The following VAC14 variants were observed in gnomAD, a reference collection of about 807,000 sequenced individuals.
VAC14 encodes the protein protein VAC14 homolog.
A neutral mutation model predicts 85.3 loss-of-function variants in VAC14; 47 were observed. The ratio of observed to expected loss-of-function variants is 0.55; its 90% CI spans 0.44 to 0.70. The LOEUF is 0.70. VAC14 is among the 30% of genes least tolerant of loss of function. The pLI, the probability that VAC14 is intolerant of heterozygous loss-of-function variation, is 0.00. For synonymous variants in VAC14, 447 were observed against 430.5 expected (o/e 1.04, Z -0.47); for missense variants, 861 against 1,004.3 (o/e 0.86, Z 1.93).
At chr16:70,797,012 C>T (rs941488873) in intron 1 of VAC14, among the ~76,000 whole-genome samples, 3 of 152,112 alleles carry the variant, frequency 2.0e-5, no homozygotes, top group African/African-American at 4.8e-5. Flanking sequence ...AGGATTGTTT[C>T]AGCCTAGGAG....
intron 1 of VAC14, among the ~76,000 whole-genome samples, chr16:70,791,698 T>C (rs959830322): frequency 2.0e-5 from 3 of 152,218 alleles, no homozygotes; most frequent in Non-Finnish European, 4.4e-5. Flanking sequence ...CCACAACTTC[T>C]TGATAAAGTC....
At chr16:70,717,737 C>T (rs1301170083) in intron 14 of VAC14, among the ~76,000 whole-genome samples, 1 of 152,172 alleles carries the variant, frequency 6.6e-6, no homozygotes, top group Non-Finnish European at 1.5e-5. Flanking sequence ...CTCACTGCAA[C>T]CTCTGCTTAA....
intron 13 of VAC14, among the ~76,000 whole-genome samples, chr16:70,738,528 T>C (rs2029932924): frequency 6.7e-6 from 1 of 150,218 alleles, no homozygotes. Flanking sequence ...TGCTGCAGGG[T>C]GAGGGCTGGG....
intron 9 of VAC14, among the ~76,000 whole-genome samples, chr16:70,778,214 AC>A (rs1455894558): frequency 6.6e-6 from 1 of 152,226 alleles, no homozygotes; most frequent in Non-Finnish European, 1.5e-5. Context: ...GATAGGCTGC[AC>A]TGGCCGGGAA....
intron 14 of VAC14, among the ~76,000 whole-genome samples, chr16:70,719,392 A>G (rs1449705054): frequency 6.6e-6 from 1 of 152,202 alleles, no homozygotes; most frequent in Non-Finnish European, 1.5e-5. Context: ...CTAGATTAAA[A>G]ATAAAGTATG....
In VAC14 at chr16:70,762,590, C is replaced by T. The variant is rs1370579571; in HGVS notation, c.1321G>A (p.Asp441Asn). ...KTPRKMFRHT[D>N]SLFPILLQTL... ...TGCAGTAGGATGGGAAAGAGGCTGT[C>T]CGTGTGCCGGAACATCTGGAGGGCA... Residue 441 changes from aspartate to asparagine, a missense_variant, in exon 12 of 19, where the codon GAC (aspartate) becomes AAC (asparagine). By Grantham distance (23) the Asp-to-Asn change is conservative. Coordinates refer to ENST00000261776, the MANE Select transcript of VAC14 (RefSeq NM_018052.5). The surrounding 1 kb of genome is among the most constrained non-coding windows in gnomAD (Gnocchi z 4.1). 1 of 1,613,974 alleles carries T rather than the reference C, an allele frequency of 6.2e-7. No individual in the cohort carries two copies. Among genetic ancestry groups the T allele is most frequent in the East Asian group, 2.2e-5 (1 of 44,888 alleles).
intron 18 of VAC14, chr16:70,691,643 A>C (rs548367488): frequency 2.0e-6 from 2 of 985,454 alleles, no homozygotes; most frequent in East Asian, 2.3e-4. Flanking sequence ...TAGTCCTGCC[A>C]CTGCAGGGCA....
chr16:70,751,021 C>T (rs1436446954), intron 12 of VAC14, among the ~76,000 whole-genome samples: 3 of 152,158 alleles, frequency 2.0e-5, no homozygotes, highest in Non-Finnish European at 4.4e-5. Flanking sequence ...TGAATAAATA[C>T]TTGCTGACCT....
At chr16:70,721,563 G>A (rs1034788085) in intron 14 of VAC14, among the ~76,000 whole-genome samples, 7 of 152,112 alleles carry the variant, frequency 4.6e-5, no homozygotes, top group African/African-American at 7.2e-5. Context: ...GTAGGATGGC[G>A]ACCCCATGGG....
Position 70,762,454 on chromosome 16 carries a change from G to A in VAC14, c.1371+86C>T, listed in dbSNP as rs1425552911. 3 of 1,349,170 alleles carry A rather than the reference G, an allele frequency of 2.2e-6. No homozygotes were observed. In the African/African-American group the frequency reaches 4.3e-5, roughly 19 times the overall value. The allele number at this position is 1,349,170 out of a possible 1,614,324, so 83.6% of individuals were successfully genotyped here. ...GCTTTACCTCTAGGAAGGATGCACT[G>A]TACCAAAATAAGCATATCTCAGTCA... is the stretch of plus-strand genomic sequence containing the variant. On this transcript the variant is annotated intron_variant, in intron 12 of 18. Coordinates refer to ENST00000261776, the MANE Select transcript of VAC14 (RefSeq NM_018052.5). This position sits in a 1 kb window ranked among gnomAD's most constrained non-coding sequence, Gnocchi z 4.1.
chr16:70,719,535 A>T (rs2054238921), intron 14 of VAC14, among the ~76,000 whole-genome samples: 1 of 152,202 alleles, frequency 6.6e-6, no homozygotes, highest in African/African-American at 2.4e-5. Context: ...TCAATAAGAA[A>T]AACACCAAAA....
At chr16:70,763,665 T>G (rs1261260808) in intron 10 of VAC14, among the ~76,000 whole-genome samples, 2 of 152,188 alleles carry the variant, frequency 1.3e-5, no homozygotes, top group East Asian at 1.9e-4. Flanking sequence ...AATGCGCTCC[T>G]TTGAGTTGGG....
At chr16:70,774,490 T>G (rs2033413195) in intron 9 of VAC14, among the ~76,000 whole-genome samples, 1 of 152,194 alleles carries the variant, frequency 6.6e-6, no homozygotes, top group African/African-American at 2.4e-5. Flanking sequence ...TTCTCCCCTG[T>G]AAGGTTACTG....
At chr16:70,692,134 C>T (rs1267999870) in intron 18 of VAC14, 1 of 975,478 alleles carries the variant, frequency 1.0e-6, no homozygotes, top group African/African-American at 1.8e-5. Context: ...TAGATGCAGC[C>T]CTACAGGCTC....
Position 70,756,602 on chromosome 16 carries a change from G to A in VAC14, c.1371+5938C>T, listed in dbSNP as rs578172268. 1.4e-4 allele frequency among the ~76,000 whole-genome samples: 21 copies of A among 152,244 alleles called. 1 individual carries two copies. Among genetic ancestry groups the A allele is most frequent in the Middle Eastern group, 3.4e-3 (1 of 294 alleles). ...CCACCAGTGAAGAGCCCCTCAAGGCGCCCCATTCCTCTCCCCTCAGGACTC... is the reference window on the plus strand; with the variant it reads ...CCACCAGTGAAGAGCCCCTCAAGGCACCCCATTCCTCTCCCCTCAGGACTC... On this transcript the variant is annotated intron_variant, in intron 12 of 18. Transcript: ENST00000261776.
chr16:70,722,606 G>A lies in VAC14; in HGVS notation c.1661+8889C>T, dbSNP rs150955590. ...AAAGGACACCGGGACAAGAGAAAGA[G>A]CTTCCTGAGAAACGCATTCTACAAC... is the stretch of plus-strand genomic sequence containing the variant. On this transcript the variant is annotated intron_variant, in intron 14 of 18. Coordinates refer to ENST00000261776, the MANE Select transcript of VAC14 (RefSeq NM_018052.5). Among the ~76,000 whole-genome samples, 216 of 152,316 alleles carry A rather than the reference G, an allele frequency of 1.4e-3. 1 individual carries two copies. The Middle Eastern group carries it at 0.017, about 12-fold the overall frequency.
rs184889461 is a variant in VAC14, at chr16:70,731,631, T to C, written c.1529-4A>G. On this transcript the variant is annotated splice_polypyrimidine_tract_variant and splice_region_variant and intron_variant, in intron 13 of 18. Transcript: ENST00000261776. ...GAACATTCTAAGCCTTTGGTACCTG[T>C]AGAGAAAGGGATAGAGCCAGCATTT... is the stretch of plus-strand genomic sequence containing the variant. The C allele has an allele frequency of 4.7e-5, 76 of 1,613,440 alleles. No homozygotes were observed. The East Asian group carries it at 1.4e-3, about 31-fold the overall frequency.
intron 14 of VAC14, among the ~76,000 whole-genome samples, chr16:70,728,325 C>A (rs751627667): frequency 2.6e-5 from 4 of 152,146 alleles, no homozygotes; most frequent in African/African-American, 4.8e-5. Context: ...GGGCCTCTCA[C>A]GGCACCAGGC....
rs1195310053 is a variant in VAC14 at position 70,692,865 on chromosome 16, C to T, written c.2142G>A (p.Ser714=). Residue 714 remains serine (S), a synonymous_variant, in exon 18 of 19, where the codon TCG becomes TCA. Transcript: ENST00000261776. ...LPQSSAFQLL[S]HRLQCVPNPE... ...GGTTGGGCACGCACTGGAGCCGGTGCGAGAGCAGCTGGAAGGCGCTGCTCT... is the reference window on the plus strand; with the variant it reads ...GGTTGGGCACGCACTGGAGCCGGTGTGAGAGCAGCTGGAAGGCGCTGCTCT... 8.1e-6 allele frequency: 13 copies of T among 1,604,998 alleles called. No individual in the cohort carries two copies. Among genetic ancestry groups the T allele is most frequent in the Admixed American group, 3.4e-5 (2 of 58,360 alleles).
Sources: allele counts gnomAD v4.1 joint callset (sites outside exome capture counted in the v4.1 genomes callset), GRCh38; gene constraint gnomAD v4.1.1; non-coding constraint Gnocchi (gnomAD v3.1); transcripts MANE v1.5; gene names NCBI Gene and HGNC (gene_info 2026-07-23, HGNC 2026-07-21).